SEMA3A: variants seen among roughly 807,000 people sequenced by gnomAD.
SEMA3A encodes semaphorin-3A.
A neutral mutation model predicts 97.9 loss-of-function variants in SEMA3A; 29 were observed. The ratio of observed to expected loss-of-function variants is 0.30; its 90% CI spans 0.22 to 0.40. SEMA3A has a LOEUF of 0.40. Among genes scored for constraint, SEMA3A ranks in the 10% least tolerant of loss-of-function variants. The pLI is 1.00. For missense variants in SEMA3A, 763 were observed against 951.3 expected, an observed-to-expected ratio of 0.80 and a Z score of 2.60; for synonymous variants, 321 against 323.7, an observed-to-expected ratio of 0.99 and a Z score of 0.09.
At chr7:84,045,612 T>C (rs1792317636) in intron 6 of SEMA3A, among the ~76,000 whole-genome samples, 1 of 151,860 alleles carries the variant, frequency 6.6e-6, no homozygotes, top group Admixed American at 6.6e-5. Flanking sequence ...ATACATTTTG[T>C]GCATTTTCTG....
chr7:84,359,628 G>T (rs1033987227), intron 2 of SEMA3A, among the ~76,000 whole-genome samples: 1 of 152,078 alleles, frequency 6.6e-6, no homozygotes, highest in Non-Finnish European at 1.5e-5. Flanking sequence ...GCCAGGCTTT[G>T]GTATTAGGAT....
intron 5 of SEMA3A, among the ~76,000 whole-genome samples, chr7:84,049,845 C>T (rs927748994): frequency 5.5e-5 from 8 of 144,230 alleles, no homozygotes; most frequent in African/African-American, 1.3e-4. Context: ...GGTATATCTC[C>T]CAATGCTATC....
rs565152213 is a variant in SEMA3A at position 84,407,448 on chromosome 7, C to T, written c.-245-35548G>A. Among the ~76,000 whole-genome samples, 598 of 152,082 alleles carry T rather than the reference C, an allele frequency of 3.9e-3. 6 individuals are homozygous for T. The highest frequency in any genetic ancestry group is 6.8e-3 in the Middle Eastern group (2 of 292). On this transcript the variant is annotated intron_variant, in intron 1 of 3. Transcript: ENST00000424555. ...GCTCATGGGTAGGAAGAATCAATAT[C>T]GTGAAAATGGTCATACTGCCCAAGG...
At chr7:84,284,345 C>G (rs1800527700) in intron 3 of SEMA3A, among the ~76,000 whole-genome samples, 1 of 152,102 alleles carries the variant, frequency 6.6e-6, no homozygotes, top group Admixed American at 6.6e-5. Context: ...TTATCATTTT[C>G]TAAGTATCAC....
rs1395551070 is a variant in SEMA3A at position 84,014,173 on chromosome 7, A to C, written c.810+36T>G. Reference sequence around the variant, plus strand: ...TAAAAAGCAAAGCTGTTATGGGAAAATGACATCCTTCTCAGTTTTTTTTTC... The same window carrying C: ...TAAAAAGCAAAGCTGTTATGGGAAACTGACATCCTTCTCAGTTTTTTTTTC... On this transcript the variant is annotated intron_variant, in intron 7 of 16. Transcript: ENST00000265362. The C allele has an allele frequency of 1.9e-6, 3 of 1,577,200 alleles. No individual in the cohort carries two copies. The Admixed American group carries it at 5.7e-5, about 30-fold the overall frequency.
chr7:84,386,774 T>C (rs1228880), intron 1 of SEMA3A, among the ~76,000 whole-genome samples: 25,303 of 151,902 alleles, frequency 0.17, 2,258 homozygotes, highest in Middle Eastern at 0.22. Context: ...CTGAGGTGAG[T>C]GGATCACTTG....
intron 1 of SEMA3A, among the ~76,000 whole-genome samples, chr7:84,153,669 A>G (rs1796747985): frequency 6.6e-6 from 1 of 152,114 alleles, no homozygotes; most frequent in Admixed American, 6.5e-5. Flanking sequence ...TAATATAGAT[A>G]TACCATTTGA....
At chr7:84,413,847 T>C (rs1804349843) in intron 1 of SEMA3A, among the ~76,000 whole-genome samples, 1 of 152,126 alleles carries the variant, frequency 6.6e-6, no homozygotes, top group South Asian at 2.1e-4. Flanking sequence ...ATAACTAAGA[T>C]TTACAAATCA....
intron 1 of SEMA3A, among the ~76,000 whole-genome samples, chr7:84,431,876 A>T (rs1804989996): frequency 6.6e-6 from 1 of 152,062 alleles, no homozygotes; most frequent in South Asian, 2.1e-4. Flanking sequence ...ACTATACATT[A>T]TAATAAGTGA....
intron 3 of SEMA3A, among the ~76,000 whole-genome samples, chr7:84,283,718 CT>C (rs1228829239): frequency 8.6e-5 from 13 of 151,984 alleles, no homozygotes; most frequent in Non-Finnish European, 1.9e-4. Context: ...TAATAAGAGA[CT>C]TGGAATTTAC....
At chr7:84,345,419 G>A (rs1802274695) in intron 2 of SEMA3A, among the ~76,000 whole-genome samples, 1 of 152,048 alleles carries the variant, frequency 6.6e-6, no homozygotes, top group Non-Finnish European at 1.5e-5. Flanking sequence ...CACACTGATT[G>A]GCTCTTTCAT....
chr7:84,404,193 C>A (rs1803994959), intron 1 of SEMA3A, among the ~76,000 whole-genome samples: 1 of 152,054 alleles, frequency 6.6e-6, no homozygotes, highest in Non-Finnish European at 1.5e-5. Context: ...GCAGAGAAGT[C>A]CTTCAAGGAC....
At chr7:84,194,380 A>C (rs1333687392) in intron 1 of SEMA3A, 95 bp downstream of exon 1, 3 of 770,116 alleles carry the variant, frequency 3.9e-6, no homozygotes, top group Non-Finnish European at 2.2e-6. Flanking sequence ...GTTAAACTAA[A>C]GGTTTGATGA....
chr7:83,981,298 T>C, intron 14 of SEMA3A, 23 bp downstream of exon 14: 1 of 1,610,400 alleles, frequency 6.2e-7, no homozygotes, highest in Non-Finnish European at 8.5e-7. Flanking sequence ...AAACATTTCA[T>C]TTATTTTGAA....
At position 84,018,139 on chromosome 7, in the gene SEMA3A, C is replaced by T. The variant is rs190484486; in HGVS notation, c.668-3788G>A. ...GACAAATATACATCTTTAATGTATT[C>T]TGTAAAGATGGTGTTGTTACCTGCT... is the stretch of plus-strand genomic sequence containing the variant. On this transcript the variant is annotated intron_variant, in intron 6 of 16. Transcript: ENST00000265362. 4.9e-4 allele frequency among the ~76,000 whole-genome samples: 74 copies of T among 152,254 alleles called. No homozygotes were observed. The East Asian group carries it at 0.012, about 25-fold the overall frequency.
At chr7:84,212,518 T>C (rs1187355508) in intron 3 of SEMA3A, among the ~76,000 whole-genome samples, 1 of 147,538 alleles carries the variant, frequency 6.8e-6, no homozygotes, top group Non-Finnish European at 1.5e-5. Flanking sequence ...AATGATCTTA[T>C]GAAGAATACT....
intron 4 of SEMA3A, among the ~76,000 whole-genome samples, chr7:84,069,143 C>G (rs1793650625): frequency 6.6e-6 from 1 of 152,010 alleles, no homozygotes; most frequent in African/African-American, 2.4e-5. Context: ...AATGACACTT[C>G]TTACACATGT....
intron 6 of SEMA3A, among the ~76,000 whole-genome samples, chr7:84,018,223 C>CGG (rs1791183495): frequency 6.6e-6 from 1 of 152,090 alleles, no homozygotes. Context: ...CCTTCACCTC[C>CGG]GAATTTCTCT....
chr7:84,108,910 G>A (rs201259610), intron 4 of SEMA3A, among the ~76,000 whole-genome samples: 1,490 of 121,526 alleles, frequency 0.012, no homozygotes, highest in Non-Finnish European at 0.014. Flanking sequence ...ATACTCACAA[G>A]AAAAAAAAAA....
Sources: gnomAD v4.1 joint callset for allele counts (sites outside exome capture counted in the v4.1 genomes callset) on GRCh38, gnomAD v4.1.1 for gene constraint, MANE v1.5 for transcripts, NCBI Gene and HGNC (gene_info 2026-07-23, HGNC 2026-07-21) for gene names.